The following ABCC5 variants were observed in gnomAD, a reference collection of about 807,000 sequenced individuals.
ABCC5 encodes ATP binding cassette subfamily C member 5.
Under a neutral mutation model 160.9 loss-of-function variants are expected in ABCC5, and 61 were observed. The observed-to-expected ratio is 0.38, with a 90% CI of 0.31 to 0.47. The LOEUF (loss-of-function observed/expected upper bound fraction) is 0.47, where lower values mean the gene tolerates loss of function less well. ABCC5 is among the 20% of genes least tolerant of loss of function. ABCC5 has a pLI of 0.99. For missense variants in ABCC5, 1,308 were observed against 1,813.3 expected, an observed-to-expected ratio of 0.72 and a Z score of 5.06; for synonymous variants, 666 against 700.6, an observed-to-expected ratio of 0.95 and a Z score of 0.78.
At position 183,923,610 on chromosome 3, in the gene ABCC5, G is replaced by A. The variant is rs147935582; in HGVS notation, c.4212+1945C>T. Among the ~76,000 whole-genome samples, 77 of 152,248 alleles carry A rather than the reference G, an allele frequency of 5.1e-4. No homozygotes were observed. The East Asian group carries it at 0.012, about 24-fold the overall frequency. On this transcript the variant is annotated intron_variant, in intron 29 of 29. Coordinates refer to ENST00000334444, the MANE Select transcript of ABCC5 (RefSeq NM_005688.4). ...TGTACTCCAGCCTGGGCGACAGAGC[G>A]AGACTCTGGCTCAAAAAAAGAAAAA...
intron 2 of ABCC5, among the ~76,000 whole-genome samples, chr3:184,011,080 A>G (rs1721699462): frequency 6.6e-6 from 1 of 151,968 alleles, no homozygotes; most frequent in East Asian, 1.9e-4. Flanking sequence ...TCCTTTTCTT[A>G]TGTCCACGAA....
chr3:183,926,598 C>T (rs1640776382), intron 28 of ABCC5, among the ~76,000 whole-genome samples: 1 of 152,030 alleles, frequency 6.6e-6, no homozygotes. Flanking sequence ...CAAATACTTG[C>T]CCCTACATGC....
At chr3:183,979,010 T>C (rs897349896) in intron 8 of ABCC5, among the ~76,000 whole-genome samples, 1 of 152,144 alleles carries the variant, frequency 6.6e-6, no homozygotes, top group Non-Finnish European at 1.5e-5. Context: ...AAGGAATTAA[T>C]AGGAAAGACA....
At chr3:183,938,082 AAG>A in intron 25 of ABCC5, 22 bp from the exon 26 acceptor site, 1 of 1,611,426 alleles carries the variant, frequency 6.2e-7, no homozygotes, top group Non-Finnish European at 8.5e-7. Flanking sequence ...GAAGACATGC[AAG>A]AGAGGAGCTG....
At chr3:183,924,143 T>C (rs942287536) in intron 29 of ABCC5, among the ~76,000 whole-genome samples, 6 of 151,632 alleles carry the variant, frequency 4.0e-5, no homozygotes, top group African/African-American at 1.5e-4. Flanking sequence ...CTCAAATTCC[T>C]TAGTAGCTGG....
At chr3:183,940,509 T>C (rs1194752847) in intron 25 of ABCC5, among the ~76,000 whole-genome samples, 2 of 142,844 alleles carry the variant, frequency 1.4e-5, no homozygotes, top group Middle Eastern at 4.1e-3. Context: ...TGTTCAGGGT[T>C]GGGGGACTCA....
chr3:183,965,868 G>A (rs2108825583), intron 12 of ABCC5, among the ~76,000 whole-genome samples: 1 of 152,234 alleles, frequency 6.6e-6, no homozygotes. Flanking sequence ...CAACATGGGG[G>A]CAGGCCAACT....
At chr3:183,973,698 C>T (rs1175032426) in intron 10 of ABCC5, among the ~76,000 whole-genome samples, 2 of 152,200 alleles carry the variant, frequency 1.3e-5, no homozygotes, top group Non-Finnish European at 2.9e-5. Context: ...ATAATCTTCA[C>T]TCTCGAGTAA....
At chr3:183,993,163 C>T (rs1009887400) in intron 2 of ABCC5, among the ~76,000 whole-genome samples, 1 of 152,128 alleles carries the variant, frequency 6.6e-6, no homozygotes, top group Non-Finnish European at 1.5e-5. Flanking sequence ...TGAGAGTCTA[C>T]AATTCCACTT....
intron 25 of ABCC5, 50 bp from the exon 26 acceptor site, chr3:183,938,110 A>G: frequency 1.3e-6 from 2 of 1,588,800 alleles, no homozygotes; most frequent in Non-Finnish European, 1.7e-6. Flanking sequence ...AAAGTCTGTG[A>G]GGACAATGCT....
chr3:184,005,660 T>A (rs778291046), intron 2 of ABCC5, among the ~76,000 whole-genome samples: 2 of 151,308 alleles, frequency 1.3e-5, no homozygotes, highest in African/African-American at 4.9e-5. Context: ...AGGGATAGCA[T>A]TAGGAGATAT....
rs1053997233 is a variant in ABCC5, at chr3:183,988,423, A to G, written c.443+149T>C. On this transcript the variant is annotated intron_variant, in intron 4 of 29. Coordinates refer to ENST00000334444, the MANE Select transcript of ABCC5 (RefSeq NM_005688.4). The surrounding 1 kb of genome is among the most constrained non-coding windows in gnomAD (Gnocchi z 4.4). The stretch of plus-strand genomic sequence containing the variant: ...CAAAGGTGAAATAGGAGATAAAGCA[A>G]AAGAGCAAAGAGAAAGTCATCCCCA... 4.4e-6 allele frequency: 4 copies of G among 904,630 alleles called. No homozygotes were observed. The highest frequency in any genetic ancestry group is 1.7e-5 in the African/African-American group (1 of 59,932). 56.0% of individuals were successfully genotyped at this position (904,630 alleles called of 1,614,324 possible).
chr3:183,959,971 C>A, intron 16 of ABCC5, 136 bp from the exon 17 acceptor site: 1 of 589,656 alleles, frequency 1.7e-6, no homozygotes, highest in Non-Finnish European at 2.9e-6. Context: ...AAAGGGTCAC[C>A]TATACTCATT....
At chr3:183,938,620 A>G (rs1713983488) in intron 25 of ABCC5, among the ~76,000 whole-genome samples, 3 of 152,124 alleles carry the variant, frequency 2.0e-5, no homozygotes, top group African/African-American at 7.2e-5. Context: ...TCATGAGAGT[A>G]AAATGGAAAA....
Position 183,971,939 on chromosome 3 carries a change from A to G in ABCC5, c.1405-20T>C. ...CAAACTCTGATAGGAGTTGTGAGAGAGGTGCAAAGATGAGACACTGGATCA... is the reference window on the plus strand; with the variant it reads ...CAAACTCTGATAGGAGTTGTGAGAGGGGTGCAAAGATGAGACACTGGATCA... On this transcript the variant is annotated intron_variant, in intron 10 of 29. Coordinates refer to ENST00000334444, the MANE Select transcript of ABCC5 (RefSeq NM_005688.4). 1 of 1,612,976 alleles carries G rather than the reference A, an allele frequency of 6.2e-7. No individual in the cohort carries two copies. Among genetic ancestry groups the G allele is most frequent in the African/African-American group, 1.3e-5 (1 of 75,042 alleles).
chr3:183,998,661 T>C (rs762757501), intron 2 of ABCC5, among the ~76,000 whole-genome samples: 2 of 144,918 alleles, frequency 1.4e-5, no homozygotes, highest in Non-Finnish European at 3.0e-5. Context: ...ATCACTATGC[T>C]ATGGGCCTGT....
chr3:183,928,781 C>A lies in ABCC5; in HGVS notation c.3899G>T (p.Trp1300Leu), dbSNP rs979353097. ...CATGTGTGTCCTCTCCAGGGCATCC[C>A]AAATCTGGTCTTCAGTGTACTGGTT... ...PFNQYTEDQI[W>L]DALERTHMKE... The change falls in exon 27 of 30, where the codon TGG becomes TTG. Residue 1300 changes from tryptophan (W) to leucine (L), a missense_variant. By Grantham distance (61) the Trp-to-Leu change is moderately conservative (BLOSUM62 -2). This residue lies in a region of ABCC5 where 163 missense variants were observed against 269.7 expected (regional missense o/e 0.60). Transcript: ENST00000334444. The A allele has an allele frequency of 6.2e-7, 1 of 1,614,038 alleles. No individual in the cohort carries two copies. The highest frequency in any genetic ancestry group is 8.5e-7 in the Non-Finnish European group (1 of 1,180,018).
In ABCC5 at chr3:183,921,138, T is replaced by A; in HGVS notation, c.*162A>T. The stretch of plus-strand genomic sequence containing the variant: ...TGGAATAAATACAATAATCAAAATA[T>A]GACTCTCCCTAAAAGTGAAACACAC... On this transcript the variant is annotated 3_prime_UTR_variant, in exon 30 of 30. Transcript: ENST00000334444. This position sits in a 1 kb window ranked among gnomAD's most constrained non-coding sequence, Gnocchi z 4.1. The A allele has an allele frequency of 2.0e-6, 1 of 499,568 alleles. No homozygotes were observed. The highest frequency in any genetic ancestry group is 3.6e-6 in the Non-Finnish European group (1 of 274,590). The allele number at this position is 499,568 out of a possible 1,614,324, so 30.9% of individuals were successfully genotyped here.
Position 183,965,194 on chromosome 3 carries a change from G to T in ABCC5, c.2022C>A (p.Asp674Glu). ...RPDLAILPSS[D>E]LTEIGERGAN... ...GGCGGAAGGCCTGTACCTCCGTCAG[G>T]TCGCTGCTGGGAAGAATGGCCAGGT... The change falls in exon 14 of 30, where the codon GAC (aspartate) becomes GAA (glutamate). Residue 674 changes from aspartate (D) to glutamate (E), a missense_variant. By Grantham distance (45) the Asp-to-Glu change is conservative. This residue lies in a region of ABCC5 where 1,142 missense variants were observed against 1,527.1 expected (regional missense o/e 0.75). Coordinates refer to ENST00000334444, the MANE Select transcript of ABCC5 (RefSeq NM_005688.4). 1 of 1,614,150 alleles carries T rather than the reference G, an allele frequency of 6.2e-7. No individual in the cohort carries two copies. Among genetic ancestry groups the T allele is most frequent in the Non-Finnish European group, 8.5e-7 (1 of 1,180,000 alleles).
Sources: allele counts gnomAD v4.1 joint callset (sites outside exome capture counted in the v4.1 genomes callset), GRCh38; gene constraint gnomAD v4.1.1; regional missense constraint gnomAD v4.1.1; non-coding constraint Gnocchi (gnomAD v3.1); transcripts MANE v1.5; gene names NCBI Gene and HGNC (gene_info 2026-07-23, HGNC 2026-07-21).